Variants in TNPO1 observed in about 807,000 individuals in gnomAD.
TNPO1 encodes the protein transportin 1.
In TNPO1, 8 loss-of-function variants were observed where a neutral mutation model predicts 119.5. That is an observed-to-expected ratio of 0.07 (90% confidence interval 0.04 to 0.12). TNPO1 has a LOEUF of 0.12. Among genes scored for constraint, TNPO1 ranks in the 10% least tolerant of loss-of-function variants. The pLI, the probability that TNPO1 is intolerant of heterozygous loss-of-function variation, is 1.00. For synonymous variants in TNPO1, 362 were observed against 363.0 expected, an observed-to-expected ratio of 1.00 and a Z score of 0.03; for missense variants, 576 against 1,089.8, an observed-to-expected ratio of 0.53 and a Z score of 6.64.
chr5:72,848,155 CGCGGCGGCA>C, intron 1 of TNPO1: 1 of 1,210,662 alleles, frequency 8.3e-7, no homozygotes, highest in Non-Finnish European at 1.0e-6. Flanking sequence ...GCTCGGCGGC[CGCGGCGGCA>C]GCAGCAGCAG....
chr5:72,827,550 G>A (rs1049829551), intron 1 of TNPO1, among the ~76,000 whole-genome samples: 1 of 152,032 alleles, frequency 6.6e-6, no homozygotes, highest in Non-Finnish European at 1.5e-5. Flanking sequence ...CTTGGCTGAT[G>A]GTTAGGATTT....
chr5:72,905,793 A>G (rs1313262236), intron 24 of TNPO1, among the ~76,000 whole-genome samples: 3 of 152,196 alleles, frequency 2.0e-5, no homozygotes, highest in Non-Finnish European at 2.9e-5. Context: ...GCTACTCAGG[A>G]GGCTGAGGTG....
chr5:72,905,280 T>C (rs753633194), intron 23 of TNPO1, 23 bp from the exon 24 acceptor site: 3 of 1,545,646 alleles, frequency 1.9e-6, no homozygotes, highest in Admixed American at 1.8e-5. Context: ...TATTGATAAA[T>C]TAATGGTTTT....
intron 11 of TNPO1, 108 bp downstream of exon 11, chr5:72,883,340 G>A: frequency 1.5e-6 from 1 of 645,428 alleles, no homozygotes; most frequent in Non-Finnish European, 2.8e-6. Flanking sequence ...CATTTCATTG[G>A]TTTTTAGTAT....
At chr5:72,823,218 C>T (rs1017686085) in intron 1 of TNPO1, among the ~76,000 whole-genome samples, 3 of 152,058 alleles carry the variant, frequency 2.0e-5, no homozygotes, top group African/African-American at 7.3e-5. Flanking sequence ...AGTCTTCTTA[C>T]TTCTTTCAGA....
At chr5:72,879,665 C>G (rs1380357235) in intron 9 of TNPO1, among the ~76,000 whole-genome samples, 3 of 152,166 alleles carry the variant, frequency 2.0e-5, no homozygotes, top group Admixed American at 6.6e-5. Flanking sequence ...CAGTGGGAGC[C>G]ACTTTTATAT....
Position 72,888,153 on chromosome 5 carries a change from C to T in TNPO1, c.1379C>T (p.Ala460Val). The change falls in exon 13 of 25, where the codon GCT becomes GTT. Residue 460 changes from alanine (A) to valine (V), a missense_variant. Around this residue, in one of 6 missense-constraint regions of TNPO1, gnomAD observed 310 missense variants for 583.0 expected, o/e 0.53. Coordinates refer to ENST00000337273, the MANE Select transcript of TNPO1 (RefSeq NM_002270.4). ...HLIQCLSDKK[A>V]LVRSITCWTL... ...ATTCAGTGCCTCTCTGATAAAAAGG[C>T]TCTTGTGCGTTCCATAACATGCTGG... The T allele has an allele frequency of 6.2e-7, 1 of 1,614,146 alleles. No homozygotes were observed. The highest frequency in any genetic ancestry group is 8.5e-7 in the Non-Finnish European group (1 of 1,180,024).
intron 9 of TNPO1, 36 bp downstream of exon 9, chr5:72,877,382 T>C: frequency 1.0e-6 from 1 of 981,168 alleles, no homozygotes; most frequent in Non-Finnish European, 1.5e-6. Context: ...GCCTTGTTCT[T>C]TAATTTCTTA....
chr5:72,882,561 A>G lies in TNPO1; in HGVS notation c.981+34A>G, dbSNP rs780737923. The G allele has an allele frequency of 4.1e-6, 6 of 1,470,468 alleles. No homozygotes were observed. In the Admixed American group the frequency reaches 7.2e-5, roughly 18 times the overall value. 91.1% of individuals were successfully genotyped at this position (1,470,468 alleles called of 1,614,324 possible). Reference sequence around the variant, plus strand: ...GCTTTTTTGATGAATAGGGAACAAGATTTTTATATTGACTTAGTACATCTT... The same window carrying G: ...GCTTTTTTGATGAATAGGGAACAAGGTTTTTATATTGACTTAGTACATCTT... On this transcript the variant is annotated intron_variant, in intron 10 of 24. Transcript: ENST00000337273.
chr5:72,879,306 C>T (rs992571941), intron 9 of TNPO1: 1 of 154,558 alleles, frequency 6.5e-6, no homozygotes, highest in African/African-American at 2.4e-5. Flanking sequence ...TAAACCTATG[C>T]TATAACAAAC....
intron 10 of TNPO1, 113 bp downstream of exon 10, chr5:72,882,640 C>G: frequency 1.5e-6 from 1 of 687,048 alleles, no homozygotes; most frequent in South Asian, 2.3e-5. Flanking sequence ...AAATAGACTT[C>G]CTATTATCCA....
chr5:72,866,236 A>G (rs1031098004), intron 6 of TNPO1, among the ~76,000 whole-genome samples: 1 of 152,080 alleles, frequency 6.6e-6, no homozygotes, highest in Non-Finnish European at 1.5e-5. Flanking sequence ...TGTTGTTCCC[A>G]TCTTTATGTC....
chr5:72,906,275 C>CTTTTCTTTTTTTTTTTTTTT (rs1750152401), intron 24 of TNPO1, among the ~76,000 whole-genome samples: 1 of 54,674 alleles, frequency 1.8e-5, no homozygotes, highest in African/African-American at 6.8e-5. Flanking sequence ...TTTTTTTTTT[C>CTTTTCTTTTTTTTTTTTTTT]TTTTTTTTTT....
At chr5:72,877,730 C>T in intron 9 of TNPO1, among the ~76,000 whole-genome samples, 1 of 151,878 alleles carries the variant, frequency 6.6e-6, no homozygotes, top group Non-Finnish European at 1.5e-5. Flanking sequence ...ATTTAGTTAA[C>T]TTAATGTTAA....
intron 6 of TNPO1, among the ~76,000 whole-genome samples, chr5:72,868,449 A>AAAAAAAC (rs1747109816): frequency 4.7e-5 from 7 of 148,830 alleles, no homozygotes; most frequent in African/African-American, 1.7e-4. Context: ...AAAAAAAAAA[A>AAAAAAAC]AAAAAAAAAA....
At position 72,905,674 on chromosome 5, in the gene TNPO1, C is replaced by T. The variant is rs114072476; in HGVS notation, c.*35+229C>T. On this transcript the variant is annotated intron_variant, in intron 24 of 24. Transcript: ENST00000337273. ...CTTGGGGAGGCCAAGGTGGGCAGGT[C>T]ATTTGAGGTCAGGAGTTTGAAACCA... 779 of 226,424 alleles carry T rather than the reference C, an allele frequency of 3.4e-3. 8 individuals carry two copies. The highest frequency in any genetic ancestry group is 0.017 in the African/African-American group (746 of 44,006). 14.0% of individuals were successfully genotyped at this position (226,424 alleles called of 1,614,324 possible).
At chr5:72,888,430 A>C in intron 13 of TNPO1, 127 bp downstream of exon 13, 1 of 820,516 alleles carries the variant, frequency 1.2e-6, no homozygotes, top group African/African-American at 1.7e-5. Context: ...CAGTTATATC[A>C]GAAAGCTTAG....
In TNPO1 at chr5:72,878,766, A is replaced by G. The variant is rs1437401767; in HGVS notation, c.920+1420A>G. 1.5e-5 allele frequency: 4 copies of G among 269,624 alleles called. No individual in the cohort carries two copies. In the Admixed American group the frequency reaches 1.9e-4, roughly 13 times the overall value. 16.7% of individuals were successfully genotyped at this position (269,624 alleles called of 1,614,324 possible). A position where few individuals can be genotyped will look rare whatever the true frequency, so the allele number is the denominator to read the frequency against. ...CGTTTGAGTTTCTGTGGGGTCATATAATTTTAAATGTCATAGATACTAATT... is the reference window on the plus strand; with the variant it reads ...CGTTTGAGTTTCTGTGGGGTCATATGATTTTAAATGTCATAGATACTAATT... On this transcript the variant is annotated intron_variant, in intron 9 of 24. Coordinates refer to ENST00000337273, the MANE Select transcript of TNPO1 (RefSeq NM_002270.4).
Position 72,893,693 on chromosome 5 carries a change from G to A in TNPO1, c.2133G>A (p.Lys711=). 1 of 1,614,026 alleles carries A rather than the reference G, an allele frequency of 6.2e-7. No individual in the cohort carries two copies. The highest frequency in any genetic ancestry group is 8.5e-7 in the Non-Finnish European group (1 of 1,179,936). The change falls in exon 18 of 25, where the codon AAG becomes AAA. Residue 711 remains lysine (K), a synonymous_variant. Transcript: ENST00000337273. Reference sequence around the variant, plus strand: ...CAAAAGCTTGCTTTCAGCATGTTAAGCCTTGTATAGGTATGAATATTTTCT... The same window carrying A: ...CAAAAGCTTGCTTTCAGCATGTTAAACCTTGTATAGGTATGAATATTTTCT... ...DLTKACFQHV[K]PCIADFMPIL... is the part of the protein sequence containing the mutation.
Sources: gnomAD v4.1 joint callset for allele counts (sites outside exome capture counted in the v4.1 genomes callset) on GRCh38, gnomAD v4.1.1 for gene constraint, gnomAD v4.1.1 regional missense constraint, MANE v1.5 for transcripts, NCBI Gene and HGNC (gene_info 2026-07-23, HGNC 2026-07-21) for gene names.